GRM8: variants seen among roughly 807,000 people sequenced by gnomAD.
GRM8 encodes the protein metabotropic glutamate receptor 8.
GRM8 carries 47 observed loss-of-function variants against 87.2 expected under a neutral mutation model. That is an observed-to-expected ratio of 0.54 (90% CI 0.43 to 0.69). The LOEUF is 0.69. Among genes scored for constraint, GRM8 ranks in the 30% least tolerant of loss-of-function variants. The pLI, the probability that GRM8 is intolerant of heterozygous loss-of-function variation, is 0.00. For missense variants in GRM8, 1,019 were observed against 1,139.2 expected, an observed-to-expected ratio of 0.89 and a Z score of 1.52; for synonymous variants, 396 against 404.5, an observed-to-expected ratio of 0.98 and a Z score of 0.25.
At chr7:126,458,575 A>T (rs2150511224) in intron 9 of GRM8, among the ~76,000 whole-genome samples, 1 of 151,446 alleles carries the variant, frequency 6.6e-6, no homozygotes, top group African/African-American at 2.4e-5. Flanking sequence ...TAGAAATTTG[A>T]TTATACAATA....
chr7:126,853,650 G>C (rs1029276899), intron 6 of GRM8, among the ~76,000 whole-genome samples: 1 of 152,068 alleles, frequency 6.6e-6, no homozygotes, highest in African/African-American at 2.4e-5. Flanking sequence ...AGTAGCTTAA[G>C]CAAAAAAGGG....
chr7:126,707,799 A>C (rs899459671), intron 7 of GRM8, among the ~76,000 whole-genome samples: 1 of 152,194 alleles, frequency 6.6e-6, no homozygotes, highest in African/African-American at 2.4e-5. Flanking sequence ...AAGCCTAGGA[A>C]AAAAACATGG....
At chr7:126,838,416 T>G (rs1795988930) in intron 6 of GRM8, among the ~76,000 whole-genome samples, 1 of 152,210 alleles carries the variant, frequency 6.6e-6, no homozygotes, top group African/African-American at 2.4e-5. Flanking sequence ...CTGGGGTTTT[T>G]GCACTTATAT....
At chr7:127,021,501 C>T (rs887212109) in intron 3 of GRM8, among the ~76,000 whole-genome samples, 3 of 151,998 alleles carry the variant, frequency 2.0e-5, no homozygotes, top group Non-Finnish European at 2.9e-5. Context: ...TCTCAATGTA[C>T]TCATTACAGC....
chr7:127,127,655 A>G (rs1446523226), intron 2 of GRM8, among the ~76,000 whole-genome samples: 1 of 152,054 alleles, frequency 6.6e-6, no homozygotes, highest in Non-Finnish European at 1.5e-5. Flanking sequence ...TGTAAATGGC[A>G]CAAGGAAAGT....
chr7:126,556,153 T>C (rs1463831629), intron 8 of GRM8, among the ~76,000 whole-genome samples: 4 of 152,144 alleles, frequency 2.6e-5, no homozygotes, highest in Non-Finnish European at 5.9e-5. Flanking sequence ...TTCGTATCCA[T>C]GAAATGAAAT....
At chr7:126,942,593 G>A (rs546190947) in intron 3 of GRM8, among the ~76,000 whole-genome samples, 17 of 152,230 alleles carry the variant, frequency 1.1e-4, no homozygotes, top group East Asian at 1.9e-4. Context: ...GCTACTGCTC[G>A]CCCGGCATGC....
At chr7:127,037,191 T>A (rs936037702) in intron 3 of GRM8, among the ~76,000 whole-genome samples, 2 of 152,164 alleles carry the variant, frequency 1.3e-5, no homozygotes, top group African/African-American at 2.4e-5. Context: ...AGGGTATAGA[T>A]CTTCTCACTA....
chr7:126,690,802 C>T (rs78983408), intron 7 of GRM8, among the ~76,000 whole-genome samples: 18,181 of 152,156 alleles, frequency 0.12, 1,479 homozygotes, highest in Non-Finnish European at 0.15. Context: ...CAGGGCATCC[C>T]ATTGTCTGCT....
intron 3 of GRM8, among the ~76,000 whole-genome samples, chr7:126,992,807 G>GTGTGTGTGTGTGTGTGTGTGTA (rs1563390392): frequency 2.0e-5 from 2 of 98,456 alleles, no homozygotes; most frequent in Non-Finnish European, 2.5e-5. Context: ...CTCTCTCTCC[G>GTGTGTGTGTGTGTGTGTGTGTA]TGTGTGTGTG....
At chr7:126,457,789 T>C (rs1277584909) in intron 9 of GRM8, among the ~76,000 whole-genome samples, 1 of 145,540 alleles carries the variant, frequency 6.9e-6, no homozygotes, top group Non-Finnish European at 1.5e-5. Context: ...AAGGAAATAA[T>C]AAAGATAAAA....
At chr7:126,471,850 A>G (rs1040304793) in intron 9 of GRM8, among the ~76,000 whole-genome samples, 1 of 151,952 alleles carries the variant, frequency 6.6e-6, no homozygotes, top group African/African-American at 2.4e-5. Context: ...ATTTGTTTGT[A>G]TCCTCTTTTA....
chr7:127,076,033 T>C (rs1036337933), intron 3 of GRM8: 2 of 387,706 alleles, frequency 5.2e-6, no homozygotes, highest in African/African-American at 2.1e-5. Flanking sequence ...TGTTAAAAGA[T>C]GGTTTGATAT....
chr7:126,490,100 T>A (rs1807827710), intron 9 of GRM8, among the ~76,000 whole-genome samples: 1 of 152,094 alleles, frequency 6.6e-6, no homozygotes, highest in South Asian at 2.1e-4. Context: ...GACTTCTCAG[T>A]TTCCATAACT....
At chr7:126,675,018 G>A (rs960679329) in intron 7 of GRM8, among the ~76,000 whole-genome samples, 1 of 152,180 alleles carries the variant, frequency 6.6e-6, no homozygotes, top group Non-Finnish European at 1.5e-5. Context: ...TGAACTGAAC[G>A]TTCGTGTCCA....
chr7:126,932,844 T>C (rs1805911595), intron 3 of GRM8, among the ~76,000 whole-genome samples: 1 of 152,102 alleles, frequency 6.6e-6, no homozygotes, highest in Non-Finnish European at 1.5e-5. Flanking sequence ...TGATTCAGAT[T>C]GTGGAGGCAA....
chr7:126,950,638 T>C (rs1160829223), intron 3 of GRM8, among the ~76,000 whole-genome samples: 3 of 152,152 alleles, frequency 2.0e-5, no homozygotes, highest in African/African-American at 7.2e-5. Flanking sequence ...GGAAACACAA[T>C]AATGATTATA....
intron 7 of GRM8, among the ~76,000 whole-genome samples, chr7:126,694,238 C>T (rs942436538): frequency 6.6e-6 from 1 of 152,030 alleles, no homozygotes; most frequent in Non-Finnish European, 1.5e-5. Flanking sequence ...AGACATGCAC[C>T]ATCTAAAACA....
intron 6 of GRM8, among the ~76,000 whole-genome samples, chr7:126,881,162 A>AAG (rs1799987025): frequency 6.6e-6 from 1 of 152,192 alleles, no homozygotes; most frequent in African/African-American, 2.4e-5. Flanking sequence ...TGTTCAAATA[A>AAG]AGAGATTTTA....
Sources: gnomAD v4.1 joint callset for allele counts (sites outside exome capture counted in the v4.1 genomes callset) on GRCh38, gnomAD v4.1.1 for gene constraint, MANE v1.5 for transcripts, NCBI Gene and HGNC (gene_info 2026-07-23, HGNC 2026-07-21) for gene names.